Variants in APP observed in about 807,000 individuals in gnomAD.
APP encodes amyloid-beta precursor protein.
A neutral mutation model predicts 101.4 loss-of-function variants in APP; 31 were observed. The observed-to-expected ratio is 0.31, with a 90% CI of 0.23 to 0.41. APP has a LOEUF of 0.41. Among genes scored for constraint, APP ranks in the 10% least tolerant of loss-of-function variants. APP has a pLI of 1.00. For missense variants in APP, 839 were observed against 1,003.7 expected, an observed-to-expected ratio of 0.84 and a Z score of 2.22; for synonymous variants, 366 against 364.4, an observed-to-expected ratio of 1.00 and a Z score of -0.05.
At chr21:25,990,498 T>C (rs2042817721) in intron 8 of APP, among the ~76,000 whole-genome samples, 1 of 152,200 alleles carries the variant, frequency 6.6e-6, no homozygotes, top group Non-Finnish European at 1.5e-5. Flanking sequence ...TTTTGTCAAT[T>C]TGTCAGAAGC....
intron 11 of APP, among the ~76,000 whole-genome samples, chr21:25,963,882 A>G (rs922583142): frequency 6.6e-6 from 1 of 152,106 alleles, no homozygotes; most frequent in African/African-American, 2.4e-5. Context: ...AAGGCAAACA[A>G]ATGATCTTTG....
chr21:26,098,840 T>A (rs2062000247), intron 2 of APP, among the ~76,000 whole-genome samples: 1 of 152,214 alleles, frequency 6.6e-6, no homozygotes, highest in Non-Finnish European at 1.5e-5. Flanking sequence ...AAAACGTCAA[T>A]GAGTAACATG....
intron 13 of APP, among the ~76,000 whole-genome samples, chr21:25,915,963 C>T (rs1405284314): frequency 6.6e-6 from 1 of 150,756 alleles, no homozygotes; most frequent in South Asian, 2.1e-4. Flanking sequence ...GTGAAACACA[C>T]TTAGCCTTCG....
Position 26,093,820 on chromosome 21 carries a change from C to T in APP, c.226-3748G>A, listed in dbSNP as rs188166090. On this transcript the variant is annotated intron_variant, in intron 2 of 17. Transcript: ENST00000346798. ...AATATGCAGATGGATGTGGAGATTA[C>T]AAAATTTGAACCAGGCCGGAGACAG... Among the ~76,000 whole-genome samples, 245 of 152,110 alleles carry T rather than the reference C, an allele frequency of 1.6e-3. 1 individual carries two copies. Among genetic ancestry groups the T allele is most frequent in the African/African-American group, 5.6e-3 (231 of 41,506 alleles).
chr21:25,912,804 G>A (rs578177857), intron 13 of APP, among the ~76,000 whole-genome samples: 1 of 152,194 alleles, frequency 6.6e-6, no homozygotes, highest in South Asian at 2.1e-4. Flanking sequence ...TTTCTTACTG[G>A]AAAAAGAGAG....
Position 26,074,380 on chromosome 21 carries a change from A to G in APP, c.355+15563T>C, listed in dbSNP as rs144425503. 1.5e-3 allele frequency among the ~76,000 whole-genome samples: 226 copies of G among 152,332 alleles called. 3 individuals carry two copies. The East Asian group carries it at 0.018, about 12-fold the overall frequency. The stretch of plus-strand genomic sequence containing the variant: ...TTTAGCATTTATAAATAGTATCCTA[A>G]CCTTTAAGGTACAACATAAGAATCT... On this transcript the variant is annotated intron_variant, in intron 3 of 17. Coordinates refer to ENST00000346798, the MANE Select transcript of APP (RefSeq NM_000484.4).
At chr21:25,997,455 G>A (rs200390822) in intron 7 of APP, 39 bp from the exon 8 acceptor site, 101 of 1,542,922 alleles carry the variant, frequency 6.5e-5, no homozygotes, top group Non-Finnish European at 8.5e-5. Flanking sequence ...AAAACAAAAA[G>A]AGAAACATGG....
chr21:26,111,650 T>C (rs964517564), intron 2 of APP, among the ~76,000 whole-genome samples: 2 of 152,028 alleles, frequency 1.3e-5, no homozygotes, highest in African/African-American at 4.8e-5. Flanking sequence ...GGTGGGAGGA[T>C]TGCTTGAGCC....
chr21:25,979,048 AT>A (rs1240502789), intron 9 of APP, among the ~76,000 whole-genome samples: 3 of 148,504 alleles, frequency 2.0e-5, no homozygotes, highest in African/African-American at 7.5e-5. Context: ...TTTATAAGTA[AT>A]AAAAGTGCTC....
At chr21:26,143,767 T>C (rs1471078428) in intron 1 of APP, among the ~76,000 whole-genome samples, 1 of 152,298 alleles carries the variant, frequency 6.6e-6, no homozygotes, top group Non-Finnish European at 1.5e-5. Flanking sequence ...GTTTGAGTGT[T>C]TTAGGTTCCA....
At chr21:26,017,277 T>C (rs549498827) in intron 6 of APP, among the ~76,000 whole-genome samples, 18 of 145,142 alleles carry the variant, frequency 1.2e-4, no homozygotes, top group African/African-American at 3.6e-4. Flanking sequence ...CCACACAGCA[T>C]AGTTACAAGG....
At chr21:25,972,871 G>A (rs2042086087) in intron 11 of APP, among the ~76,000 whole-genome samples, 2 of 151,750 alleles carry the variant, frequency 1.3e-5, no homozygotes, top group African/African-American at 4.8e-5. Context: ...CATCAACAAT[G>A]TAGTAAGGAA....
At chr21:26,014,131 C>T (rs928405881) in intron 6 of APP, among the ~76,000 whole-genome samples, 4 of 152,174 alleles carry the variant, frequency 2.6e-5, no homozygotes, top group South Asian at 2.1e-4. Flanking sequence ...CAAATACTCC[C>T]TGGAGCTTTA....
intron 15 of APP, among the ~76,000 whole-genome samples, chr21:25,902,654 C>T (rs1226455740): frequency 6.6e-6 from 1 of 152,222 alleles, no homozygotes; most frequent in Non-Finnish European, 1.5e-5. Context: ...TTCATAACCT[C>T]TCTGGAAGCC....
At chr21:25,938,550 T>C (rs1454957067) in intron 13 of APP, among the ~76,000 whole-genome samples, 1 of 152,162 alleles carries the variant, frequency 6.6e-6, no homozygotes, top group Non-Finnish European at 1.5e-5. Flanking sequence ...CTCTGAATGT[T>C]TAAAGGATCA....
chr21:25,898,335 T>C (rs962726737), intron 15 of APP, among the ~76,000 whole-genome samples: 6 of 152,252 alleles, frequency 3.9e-5, no homozygotes, highest in African/African-American at 1.4e-4. Flanking sequence ...TCCTTTTCTA[T>C]AAATTGCTAT....
chr21:26,158,684 T>TA (rs2063423949), intron 1 of APP, among the ~76,000 whole-genome samples: 1 of 152,228 alleles, frequency 6.6e-6, no homozygotes, highest in Middle Eastern at 3.2e-3. Flanking sequence ...CCAAAATTTA[T>TA]AATTTCACAC....
At chr21:26,037,921 T>G (rs1232500316) in intron 5 of APP, among the ~76,000 whole-genome samples, 1 of 152,184 alleles carries the variant, frequency 6.6e-6, no homozygotes, top group Non-Finnish European at 1.5e-5. Flanking sequence ...CTCTTACTTA[T>G]TAGTAGTTAG....
chr21:26,044,528 G>T (rs1209421929), intron 5 of APP, among the ~76,000 whole-genome samples: 1 of 151,824 alleles, frequency 6.6e-6, no homozygotes, highest in Non-Finnish European at 1.5e-5. Flanking sequence ...AGTGAGCAAT[G>T]TATTTCTTTC....
Sources: gnomAD v4.1 joint callset for allele counts (sites outside exome capture counted in the v4.1 genomes callset) on GRCh38, gnomAD v4.1.1 for gene constraint, MANE v1.5 for transcripts, NCBI Gene and HGNC (gene_info 2026-07-23, HGNC 2026-07-21) for gene names.